NRG1: variants seen among roughly 807,000 people sequenced by gnomAD.
NRG1 encodes the protein neuregulin 1.
NRG1 carries 18 observed loss-of-function variants against 63.8 expected under a neutral mutation model. That is an observed-to-expected ratio of 0.28 (90% confidence interval 0.19 to 0.42). NRG1 has a LOEUF of 0.42. Among genes scored for constraint, NRG1 ranks in the 10% least tolerant of loss-of-function variants. The probability of loss-of-function intolerance (pLI) is 1.00; values close to 1 mark genes in which losing one functional copy is unlikely to be tolerated. For synonymous variants in NRG1, 302 were observed against 301.3 expected (o/e 1.00, Z -0.02); for missense variants, 762 against 814.7 (o/e 0.94, Z 0.79).
chr8:32,593,940 G>C (rs895894957), intron 1 of NRG1, among the ~76,000 whole-genome samples: 1 of 147,120 alleles, frequency 6.8e-6, no homozygotes, highest in Non-Finnish European at 1.5e-5. Context: ...TAATTTGCCA[G>C]TGGCCAGTGT....
chr8:31,827,208 T>C (rs1503495), intron 1 of NRG1, among the ~76,000 whole-genome samples: 101,742 of 151,990 alleles, frequency 0.67, 34,792 homozygotes, highest in East Asian at 0.95. Context: ...ACAGCAGATA[T>C]AGTGTTTTTA....
chr8:32,419,673 T>C (rs1816428915), intron 1 of NRG1, among the ~76,000 whole-genome samples: 1 of 152,228 alleles, frequency 6.6e-6, no homozygotes, highest in Admixed American at 6.5e-5. Context: ...TTAATTCTCA[T>C]ACATGTCACA....
intron 1 of NRG1, among the ~76,000 whole-genome samples, chr8:31,755,068 T>C (rs1816834054): frequency 6.6e-6 from 1 of 152,078 alleles, no homozygotes; most frequent in Non-Finnish European, 1.5e-5. Flanking sequence ...TGCCTTTTTT[T>C]CCTCACACTT....
In NRG1 at chr8:32,192,942, C is replaced by G. The variant is rs187836035; in HGVS notation, c.38-402886C>G. Among the ~76,000 whole-genome samples the G allele has an allele frequency of 2.6e-5, 4 of 152,050 alleles. No individual in the cohort carries two copies. In the East Asian group the frequency reaches 7.7e-4, roughly 29 times the overall value. On this transcript the variant is annotated intron_variant, in intron 1 of 10. Coordinates refer to the NRG1 transcript ENST00000519301. ...TTTTCTGACTTCCAACATAGTACAT[C>G]ATTTATTTAACAAGAACGTAAGCTC...
chr8:32,760,570 G>GGC, intron 11 of NRG1, 164 bp downstream of exon 11: 14 of 1,433,638 alleles, frequency 9.8e-6, no homozygotes, highest in South Asian at 5.9e-5. Flanking sequence ...TTTGTTTGAC[G>GGC]GAACTTATTT....
intron 5 of NRG1, among the ~76,000 whole-genome samples, chr8:32,684,563 A>C (rs1420900946): frequency 6.6e-6 from 1 of 152,098 alleles, no homozygotes; most frequent in Non-Finnish European, 1.5e-5. Context: ...TTCCTTTTTC[A>C]CAAATTTTTT....
At chr8:32,647,998 G>A (rs2129546907) in intron 5 of NRG1, 1 of 1,614,138 alleles carries the variant, frequency 6.2e-7, no homozygotes, top group South Asian at 1.1e-5. Flanking sequence ...TGCATCGCCG[G>A]CCTCAAGTGG....
intron 1 of NRG1, among the ~76,000 whole-genome samples, chr8:32,153,053 G>C (rs1837670779): frequency 6.7e-6 from 1 of 149,094 alleles, no homozygotes; most frequent in Non-Finnish European, 1.5e-5. Flanking sequence ...ATGTGCCTGG[G>C]AATGAGAGCC....
intron 1 of NRG1, among the ~76,000 whole-genome samples, chr8:31,919,414 A>G (rs1833708681): frequency 6.6e-6 from 1 of 151,552 alleles, no homozygotes; most frequent in South Asian, 2.1e-4. Context: ...TTGTTCTTCA[A>G]TTTAGCATTG....
intron 1 of NRG1, among the ~76,000 whole-genome samples, chr8:31,724,326 C>A (rs528096385): frequency 6.6e-6 from 1 of 152,042 alleles, no homozygotes; most frequent in African/African-American, 2.4e-5. Context: ...AAGAGTTTGA[C>A]CCTGTCAGAA....
At chr8:31,802,919 A>T (rs1478150407) in intron 1 of NRG1, among the ~76,000 whole-genome samples, 2 of 152,178 alleles carry the variant, frequency 1.3e-5, no homozygotes, top group South Asian at 2.1e-4. Flanking sequence ...AACAATTTTT[A>T]AAATGTTTGG....
Position 32,196,943 on chromosome 8 carries a change from CTTTTTTTTTTTTTTTTTT to C in NRG1, c.38-398868_38-398851del, listed in dbSNP as rs773398472. ...CTACCAGGCCTGTTCTCAGAACATTCTTTTTTTTTTTTTTTTTTTTTTTTTTTTTTTTTTAAGATAGAG... is the reference window on the plus strand; with the variant it reads ...CTACCAGGCCTGTTCTCAGAACATTCTTTTTTTTTTTTTTTTAAGATAGAG... On this transcript the variant is annotated intron_variant, in intron 1 of 10. Transcript: ENST00000519301. Among the ~76,000 whole-genome samples the C allele has an allele frequency of 5.5e-4, 15 of 27,444 alleles. No individual in the cohort carries two copies. The East Asian group carries it at 0.013, about 25-fold the overall frequency. 18.0% of individuals were successfully genotyped at this position (27,444 alleles called of 152,430 possible). A position where few individuals can be genotyped will look rare whatever the true frequency, so the allele number is the denominator to read the frequency against.
chr8:32,495,453 G>A (rs181711264), intron 1 of NRG1, among the ~76,000 whole-genome samples: 3 of 152,096 alleles, frequency 2.0e-5, no homozygotes, highest in Admixed American at 2.0e-4. Context: ...TCAGTCTTGG[G>A]TATGTCTTTG....
At chr8:32,517,949 G>A (rs1344548247) in intron 1 of NRG1, among the ~76,000 whole-genome samples, 2 of 152,132 alleles carry the variant, frequency 1.3e-5, no homozygotes, top group South Asian at 2.1e-4. Flanking sequence ...ATCAAATCTA[G>A]GACAGAGAAA....
At chr8:32,454,538 G>T (rs911744908) in intron 1 of NRG1, among the ~76,000 whole-genome samples, 45 of 144,038 alleles carry the variant, frequency 3.1e-4, no homozygotes, top group Non-Finnish European at 6.5e-4. Flanking sequence ...CATTGGCCTA[G>T]ATCTTAATCT....
At chr8:31,839,215 G>C (rs1786812872) in intron 1 of NRG1, among the ~76,000 whole-genome samples, 1 of 151,972 alleles carries the variant, frequency 6.6e-6, no homozygotes, top group African/African-American at 2.4e-5. Flanking sequence ...TCCCATTCTT[G>C]TTCACTATTC....
intron 1 of NRG1, among the ~76,000 whole-genome samples, chr8:32,159,097 C>T (rs1838509734): frequency 6.6e-6 from 1 of 152,164 alleles, no homozygotes; most frequent in African/African-American, 2.4e-5. Context: ...TTTGAGTTGA[C>T]TAAAGAGTAA....
chr8:31,855,277 A>T (rs1439986372), intron 1 of NRG1, among the ~76,000 whole-genome samples: 1 of 152,148 alleles, frequency 6.6e-6, no homozygotes, highest in Non-Finnish European at 1.5e-5. Context: ...CAGGACTTGC[A>T]TTATGAATCT....
chr8:32,018,435 GT>G (rs1325342177), intron 1 of NRG1, among the ~76,000 whole-genome samples: 1 of 152,048 alleles, frequency 6.6e-6, no homozygotes, highest in East Asian at 1.9e-4. Context: ...TCTTGAAAAT[GT>G]TTTACATATT....
Sources: allele counts gnomAD v4.1 joint callset (sites outside exome capture counted in the v4.1 genomes callset), GRCh38; gene constraint gnomAD v4.1.1; transcripts MANE v1.5; gene names NCBI Gene and HGNC (gene_info 2026-07-23, HGNC 2026-07-21).